Variants in GRIK2 observed in about 807,000 individuals in gnomAD.
GRIK2 encodes the protein glutamate receptor ionotropic, kainate 2.
GRIK2 carries 32 observed loss-of-function variants against 100.3 expected under a neutral mutation model. That is an observed-to-expected ratio of 0.32 (90% CI 0.24 to 0.43). The LOEUF (loss-of-function observed/expected upper bound fraction) is 0.43, where lower values mean the gene tolerates loss of function less well. GRIK2 is among the 20% of genes least tolerant of loss of function. The pLI is 1.00. For synonymous variants in GRIK2, 417 were observed against 389.4 expected, an observed-to-expected ratio of 1.07 and a Z score of -0.83; for missense variants, 843 against 1,114.9, an observed-to-expected ratio of 0.76 and a Z score of 3.47.
At chr6:101,642,034 C>T (rs1008660169) in intron 4 of GRIK2, among the ~76,000 whole-genome samples, 1 of 151,638 alleles carries the variant, frequency 6.6e-6, no homozygotes, top group Admixed American at 6.6e-5. Flanking sequence ...AATTGGTTAC[C>T]AAAGACATTG....
chr6:101,943,098 AGC>A (rs1791059656), intron 14 of GRIK2, among the ~76,000 whole-genome samples: 1 of 152,200 alleles, frequency 6.6e-6, no homozygotes, highest in Admixed American at 6.5e-5. Flanking sequence ...CCTGAGTAGC[AGC>A]CACTCCAGCT....
chr6:101,766,973 C>T (rs1004800932), intron 7 of GRIK2, among the ~76,000 whole-genome samples: 9 of 152,086 alleles, frequency 5.9e-5, no homozygotes, highest in Non-Finnish European at 1.5e-5. Context: ...ACTGATGTGG[C>T]TTTTAGGCAA....
intron 4 of GRIK2, among the ~76,000 whole-genome samples, chr6:101,661,273 G>A (rs1350526709): frequency 6.6e-6 from 1 of 152,138 alleles, no homozygotes; most frequent in African/African-American, 2.4e-5. Context: ...TGTTTACACT[G>A]TGAGGGGAAA....
At position 102,013,231 on chromosome 6, in the gene GRIK2, A is replaced by C. The variant is rs1001552572; in HGVS notation, c.2086-22110A>C. Among the ~76,000 whole-genome samples the C allele has an allele frequency of 2.0e-5, 3 of 152,044 alleles. No homozygotes were observed. The South Asian group carries it at 6.2e-4, about 32-fold the overall frequency. On this transcript the variant is annotated intron_variant, in intron 14 of 16. Transcript: ENST00000369134. ...GGATTGCATTCCTAATCTGGTTCTT[A>C]CCTTGGCTGTTGCTTGTGTATAGGA...
intron 14 of GRIK2, among the ~76,000 whole-genome samples, chr6:101,999,814 T>C (rs1794839101): frequency 6.6e-6 from 1 of 152,216 alleles, no homozygotes; most frequent in African/African-American, 2.4e-5. Flanking sequence ...TTGTTATAGG[T>C]AACTTATATC....
At chr6:101,566,681 T>C (rs1777291072) in intron 2 of GRIK2, among the ~76,000 whole-genome samples, 1 of 151,348 alleles carries the variant, frequency 6.6e-6, no homozygotes, top group South Asian at 2.1e-4. Context: ...TTATGTTACT[T>C]TATCAGTTAT....
chr6:101,552,341 A>T (rs1252840730), intron 2 of GRIK2, among the ~76,000 whole-genome samples: 1 of 152,148 alleles, frequency 6.6e-6, no homozygotes, highest in Non-Finnish European at 1.5e-5. Context: ...TTAAGAAGGC[A>T]GTCCTAAACT....
intron 7 of GRIK2, among the ~76,000 whole-genome samples, chr6:101,702,126 A>C (rs1308327693): frequency 6.6e-6 from 1 of 151,992 alleles, no homozygotes; most frequent in Non-Finnish European, 1.5e-5. Context: ...AACATTACAT[A>C]AAACAGTTAA....
At chr6:101,461,794 A>G (rs1314915152) in intron 2 of GRIK2, among the ~76,000 whole-genome samples, 1 of 152,210 alleles carries the variant, frequency 6.6e-6, no homozygotes, top group African/African-American at 2.4e-5. Context: ...GATTTTCAGG[A>G]AAATATCAGT....
intron 14 of GRIK2, among the ~76,000 whole-genome samples, chr6:101,960,375 G>A (rs1792220406): frequency 6.6e-6 from 1 of 152,082 alleles, no homozygotes; most frequent in Non-Finnish European, 1.5e-5. Context: ...GACAGTTAGT[G>A]TGTTCCTTTG....
chr6:102,043,836 A>T (rs1278567128), intron 15 of GRIK2, among the ~76,000 whole-genome samples: 1 of 74,798 alleles, frequency 1.3e-5, no homozygotes, highest in African/African-American at 3.9e-5. Context: ...CACCAACAGT[A>T]TGCAAGGGTT....
At chr6:101,794,357 T>TC (rs1438808585) in intron 7 of GRIK2, among the ~76,000 whole-genome samples, 6 of 152,028 alleles carry the variant, frequency 3.9e-5, no homozygotes, top group Non-Finnish European at 8.8e-5. Context: ...TCTTGGCTTC[T>TC]CCCCGAGATG....
chr6:101,628,729 A>G (rs1488556245), intron 4 of GRIK2, among the ~76,000 whole-genome samples: 2 of 152,122 alleles, frequency 1.3e-5, no homozygotes, highest in Non-Finnish European at 2.9e-5. Context: ...TAATTCATGT[A>G]TAGGTTGTCC....
chr6:101,822,467 A>G (rs1176904739), intron 10 of GRIK2, among the ~76,000 whole-genome samples: 1 of 152,064 alleles, frequency 6.6e-6, no homozygotes, highest in Non-Finnish European at 1.5e-5. Context: ...AGCATATTCA[A>G]GCATCCTAAA....
At chr6:101,687,783 T>C (rs2128344769) in intron 7 of GRIK2, among the ~76,000 whole-genome samples, 1 of 151,882 alleles carries the variant, frequency 6.6e-6, no homozygotes, top group Non-Finnish European at 1.5e-5. Flanking sequence ...CATAAAGAGA[T>C]AGTTGAACAG....
At chr6:101,994,623 A>AG (rs1366045862) in intron 14 of GRIK2, among the ~76,000 whole-genome samples, 1 of 151,814 alleles carries the variant, frequency 6.6e-6, no homozygotes, top group African/African-American at 2.4e-5. Context: ...AGATAGATAA[A>AG]GGGGTTTGTG....
intron 2 of GRIK2, among the ~76,000 whole-genome samples, chr6:101,491,942 G>A (rs1773141956): frequency 6.6e-6 from 1 of 151,370 alleles, no homozygotes; most frequent in Non-Finnish European, 1.5e-5. Context: ...GTATGTATTA[G>A]GTATAGCTTA....
intron 2 of GRIK2, among the ~76,000 whole-genome samples, chr6:101,456,274 G>A (rs929814223): frequency 1.3e-5 from 2 of 151,946 alleles, no homozygotes; most frequent in Admixed American, 6.6e-5. Flanking sequence ...CCAGAAATTA[G>A]GTCTGAAATG....
At position 101,697,088 on chromosome 6, in the gene GRIK2, G is replaced by A. The variant is rs187374841; in HGVS notation, c.951+10735G>A. ...TACCTAATCTCTTTGAGCCTCACTC[G>A]TCAAATAGAAATAATAAATTTTAGT... is the stretch of plus-strand genomic sequence containing the variant. On this transcript the variant is annotated intron_variant, in intron 7 of 16. Transcript: ENST00000369134. 3.0e-4 allele frequency among the ~76,000 whole-genome samples: 45 copies of A among 151,962 alleles called. No individual in the cohort carries two copies. The East Asian group carries it at 8.1e-3, about 27-fold the overall frequency.
Sources: gnomAD v4.1 joint callset for allele counts (sites outside exome capture counted in the v4.1 genomes callset) on GRCh38, gnomAD v4.1.1 for gene constraint, MANE v1.5 for transcripts, NCBI Gene and HGNC (gene_info 2026-07-23, HGNC 2026-07-21) for gene names.